ATOSB: variants seen among roughly 807,000 people sequenced by gnomAD.
The protein encoded by ATOSB is atos homolog protein B.
At chr9:35,108,625 G>A in the ATOSB span, 51 of 1,059,910 alleles carry the variant, frequency 4.8e-5, no homozygotes, top group African/African-American at 6.7e-5. Flanking sequence ...CTAGCTGTGC[G>A]TCCCCTCTTC....
chr9:35,108,365 GAAGAA>G, the ATOSB span: 4 of 1,428,766 alleles, frequency 2.8e-6, no homozygotes, highest in Non-Finnish European at 3.6e-6. Context: ...TAAGAGAAGA[GAAGAA>G]AAGGTGGTCA....
the ATOSB span, chr9:35,104,495 T>C: frequency 5.2e-6 from 1 of 192,156 alleles, no homozygotes; most frequent in Admixed American, 6.3e-5. Context: ...ACAACTGGAG[T>C]CTGGAGCCCT....
the ATOSB span, chr9:35,105,416 G>A: frequency 6.3e-7 from 1 of 1,576,064 alleles, no homozygotes; most frequent in East Asian, 2.3e-5. The surrounding 1 kb of genome is among the most constrained non-coding windows in gnomAD (Gnocchi z 5.5). Flanking sequence ...TCCAGGCTGG[G>A]TTCAGTGGCT....
the ATOSB span, chr9:35,105,124 A>G: frequency 1.3e-5 from 17 of 1,351,888 alleles, no homozygotes; most frequent in East Asian, 4.2e-4. This position sits in a 1 kb window ranked among gnomAD's most constrained non-coding sequence, Gnocchi z 5.5. Flanking sequence ...GCTTTAATTC[A>G]AGCCTGAAGG....
chr9:35,113,477 A>G, the ATOSB span, among the ~76,000 whole-genome samples: 3 of 152,068 alleles, frequency 2.0e-5, no homozygotes, highest in Admixed American at 2.0e-4. Flanking sequence ...TACAAAAATT[A>G]GCTGAGTGTG....
chr9:35,109,778 A>T, the ATOSB span: 1 of 152,328 alleles, frequency 6.6e-6, no homozygotes, highest in African/African-American at 2.4e-5. Flanking sequence ...CAGTGTTACT[A>T]CTTCCTGTAA....
the ATOSB span, chr9:35,108,355 TAAGAG>T: frequency 1.4e-6 from 2 of 1,440,488 alleles, no homozygotes; most frequent in East Asian, 2.6e-5. Context: ...GACATCTGTG[TAAGAG>T]AAGAGAAGAA....
At chr9:35,106,581 A>T in the ATOSB span, 3 of 1,570,782 alleles carry the variant, frequency 1.9e-6, no homozygotes, top group Non-Finnish European at 2.6e-6. The surrounding 1 kb of genome is among the most constrained non-coding windows in gnomAD (Gnocchi z 4.6). Flanking sequence ...AGGGGTAGGA[A>T]CAGGGGAGGC....
At chr9:35,114,217 GC>G in the ATOSB span, among the ~76,000 whole-genome samples, 1 of 152,070 alleles carries the variant, frequency 6.6e-6, no homozygotes, top group African/African-American at 2.4e-5. Context: ...CACACAAACC[GC>G]CCCAGTCCTG....
the ATOSB span, among the ~76,000 whole-genome samples, chr9:35,111,963 A>G: frequency 1.3e-5 from 2 of 152,166 alleles, no homozygotes; most frequent in African/African-American, 4.8e-5. Context: ...GGCTTTAAAG[A>G]TACGGTTTGA....
chr9:35,105,470 C>T, the ATOSB span: 1 of 1,435,812 alleles, frequency 7.0e-7, no homozygotes, highest in Admixed American at 2.1e-5. The surrounding 1 kb of genome is among the most constrained non-coding windows in gnomAD (Gnocchi z 5.5). Flanking sequence ...GGTGGGAGGA[C>T]TGCTTGAGCC....
chr9:35,114,584 A>G, the ATOSB span, among the ~76,000 whole-genome samples: 2 of 152,300 alleles, frequency 1.3e-5, no homozygotes, highest in South Asian at 2.1e-4. Flanking sequence ...CCCTCAAGAG[A>G]ACTAGGTCCT....
At chr9:35,107,955 G>A in the ATOSB span, 23 of 1,605,042 alleles carry the variant, frequency 1.4e-5, 1 homozygote, top group African/African-American at 9.4e-5. Context: ...TCCCAGCCCC[G>A]GTCCCTCTGG....
chr9:35,109,389 C>G, the ATOSB span: 1 of 152,328 alleles, frequency 6.6e-6, no homozygotes, highest in Non-Finnish European at 1.5e-5. Context: ...TCCCGCAAGG[C>G]CCTGCAAACT....
At chr9:35,115,945 C>A in the ATOSB span, 2 of 152,384 alleles carry the variant, frequency 1.3e-5, no homozygotes, top group Non-Finnish European at 2.9e-5. Flanking sequence ...GGCCCACCCT[C>A]TCCCTTGTCC....
the ATOSB span, chr9:35,105,207 C>A: frequency 6.2e-7 from 1 of 1,606,788 alleles, no homozygotes; most frequent in Non-Finnish European, 8.5e-7. This position sits in a 1 kb window ranked among gnomAD's most constrained non-coding sequence, Gnocchi z 5.5. Flanking sequence ...CGCATGGGTT[C>A]AGAGTGCTGG....
chr9:35,108,245 T>C, the ATOSB span: 12 of 1,568,980 alleles, frequency 7.6e-6, no homozygotes, highest in Non-Finnish European at 9.5e-6. Context: ...GCTCTGAGGA[T>C]GGAGACGGCT....
chr9:35,115,150 C>T, the ATOSB span, among the ~76,000 whole-genome samples: 2 of 152,044 alleles, frequency 1.3e-5, no homozygotes, highest in Non-Finnish European at 2.9e-5. Context: ...GGGACCTCAG[C>T]TTAGGGAAGA....
At chr9:35,113,607 G>A in the ATOSB span, among the ~76,000 whole-genome samples, 1 of 151,114 alleles carries the variant, frequency 6.6e-6, no homozygotes, top group African/African-American at 2.4e-5. Context: ...CTGGGTGACA[G>A]AGTGAGTGAG....
Sources: gnomAD v4.1 joint callset for allele counts (sites outside exome capture counted in the v4.1 genomes callset) on GRCh38, gnomAD v4.1.1 for gene constraint, Gnocchi (gnomAD v3.1) non-coding constraint, MANE v1.5 for transcripts, NCBI Gene and HGNC (gene_info 2026-07-23, HGNC 2026-07-21) for gene names.